The following ITGB6 variants were observed in gnomAD, a reference collection of about 807,000 sequenced individuals.
ITGB6 encodes the protein integrin subunit beta 6.
In ITGB6, 80 loss-of-function variants were observed where a neutral mutation model predicts 84.5. The ratio of observed to expected loss-of-function variants is 0.95; its 90% CI spans 0.79 to 1.14. The LOEUF (loss-of-function observed/expected upper bound fraction) is 1.14, where lower values mean the gene tolerates loss of function less well. Among genes scored for constraint, ITGB6 ranks in the 50% most tolerant of loss-of-function variants. The pLI, the probability that ITGB6 is intolerant of heterozygous loss-of-function variation, is 0.00. For missense variants in ITGB6, 1,006 were observed against 968.0 expected (o/e 1.04, Z -0.52); for synonymous variants, 383 against 354.9 (o/e 1.08, Z -0.89).
At chr2:160,150,221 C>T (rs1051322822) in intron 7 of ITGB6, among the ~76,000 whole-genome samples, 4 of 152,162 alleles carry the variant, frequency 2.6e-5, no homozygotes, top group African/African-American at 9.7e-5. Flanking sequence ...GGTCAGTTTA[C>T]CCACAAAGGG....
chr2:160,175,019 C>T (rs185790280), intron 4 of ITGB6, among the ~76,000 whole-genome samples: 95 of 152,304 alleles, frequency 6.2e-4, no homozygotes, highest in East Asian at 5.8e-4. Flanking sequence ...TTGTACTAAG[C>T]CTTCTGGATG....
intron 4 of ITGB6, among the ~76,000 whole-genome samples, chr2:160,192,487 C>A (rs1473407129): frequency 1.3e-5 from 2 of 152,002 alleles, no homozygotes; most frequent in African/African-American, 4.8e-5. Context: ...AGATCAGAAG[C>A]CTAAATGTAA....
intron 12 of ITGB6, among the ~76,000 whole-genome samples, chr2:160,114,936 C>T (rs533971729): frequency 1.4e-3 from 209 of 152,284 alleles, no homozygotes; most frequent in Middle Eastern, 0.01. Context: ...TAGGCGGCAG[C>T]GAGGCTGGGG....
At chr2:160,188,383 A>G (rs1464559624) in intron 4 of ITGB6, among the ~76,000 whole-genome samples, 1 of 152,170 alleles carries the variant, frequency 6.6e-6, no homozygotes, top group East Asian at 1.9e-4. Context: ...CCTTAATGGT[A>G]AATTTTGCCC....
intron 4 of ITGB6, among the ~76,000 whole-genome samples, chr2:160,182,140 A>C (rs1219037415): frequency 6.6e-6 from 1 of 152,234 alleles, no homozygotes; most frequent in African/African-American, 2.4e-5. Flanking sequence ...ACAGAGAATG[A>C]GTCTGACGAA....
intron 2 of ITGB6, among the ~76,000 whole-genome samples, chr2:160,198,101 G>A (rs1459575621): frequency 1.3e-5 from 2 of 152,134 alleles, no homozygotes; most frequent in East Asian, 3.9e-4. Flanking sequence ...TATCTCTCTG[G>A]CATGAAACTA....
At chr2:160,112,317 A>T in intron 12 of ITGB6, 118 bp from the exon 13 acceptor site, 3 of 981,420 alleles carry the variant, frequency 3.1e-6, no homozygotes, top group Non-Finnish European at 4.5e-6. Flanking sequence ...GCAGAATGAG[A>T]ATAGGAGAGG....
At chr2:160,145,584 C>T (rs1684155070) in intron 7 of ITGB6, among the ~76,000 whole-genome samples, 1 of 152,198 alleles carries the variant, frequency 6.6e-6, no homozygotes, top group Non-Finnish European at 1.5e-5. Flanking sequence ...ACAGAGGAAA[C>T]ACCTGCATTC....
chr2:160,100,081 C>A lies in ITGB6; in HGVS notation c.*1655G>T, dbSNP rs945156713. ...TTTTCAAGGTGATTTTTCAGTAATT[C>A]TTTCACCTAGCCCTGTACTCTGTAA... On this transcript the variant is annotated 3_prime_UTR_variant, in exon 15 of 15. Transcript: ENST00000283249. 5 of 152,140 alleles carry A rather than the reference C, an allele frequency of 3.3e-5. No homozygotes were observed. The highest frequency in any genetic ancestry group is 1.2e-4 in the African/African-American group (5 of 41,434). The allele number at this position is 152,140 out of a possible 1,614,324, so 9.4% of individuals were successfully genotyped here. A position where few individuals can be genotyped will look rare whatever the true frequency, so the allele number is the denominator to read the frequency against.
intron 10 of ITGB6, among the ~76,000 whole-genome samples, chr2:160,128,012 T>C (rs943582071): frequency 3.9e-5 from 6 of 152,162 alleles, no homozygotes; most frequent in African/African-American, 9.7e-5. Flanking sequence ...CCCATAAGCA[T>C]ACACTGAGTG....
intron 4 of ITGB6, among the ~76,000 whole-genome samples, chr2:160,178,418 T>A (rs779677237): frequency 7.2e-5 from 11 of 152,254 alleles, no homozygotes; most frequent in Non-Finnish European, 1.6e-4. Context: ...ATCTTCCAGA[T>A]CCACAGAGGT....
chr2:160,166,589 A>T lies in ITGB6; in HGVS notation c.1017+2623T>A, dbSNP rs569432436. ...AGTAAACATTTTAAAACTACAGAGG[A>T]AATATAAAAACTTTTTTTTAACTTG... On this transcript the variant is annotated intron_variant, in intron 7 of 14. Transcript: ENST00000283249. Among the ~76,000 whole-genome samples the T allele has an allele frequency of 5.9e-5, 9 of 152,306 alleles. No homozygotes were observed. The South Asian group carries it at 1.9e-3, about 32-fold the overall frequency.
intron 7 of ITGB6, among the ~76,000 whole-genome samples, chr2:160,163,631 CA>C (rs11335168): frequency 0.8 from 109,959 of 138,038 alleles, 46,070 homozygotes; most frequent in Non-Finnish European, 0.95. Context: ...GACTTTGTCT[CA>C]AAAAAAAAAA....
chr2:160,105,527 C>A (rs1696875104), intron 14 of ITGB6, among the ~76,000 whole-genome samples: 1 of 152,136 alleles, frequency 6.6e-6, no homozygotes, highest in African/African-American at 2.4e-5. Context: ...GGAGGGTCAA[C>A]CAAAGGCTGT....
At chr2:160,170,493 A>T in intron 6 of ITGB6, among the ~76,000 whole-genome samples, 1 of 152,164 alleles carries the variant, frequency 6.6e-6, no homozygotes, top group East Asian at 1.9e-4. Context: ...GTCCCTCCTT[A>T]TCTCCACGTG....
intron 2 of ITGB6, 80 bp downstream of exon 2, chr2:160,199,099 A>T: frequency 8.5e-7 from 1 of 1,171,556 alleles, no homozygotes; most frequent in Non-Finnish European, 1.3e-6. Flanking sequence ...GCAAGTCACT[A>T]TCAGAAATAT....
At chr2:160,126,233 G>T (rs1683235608) in intron 11 of ITGB6, 146 bp downstream of exon 11, 2 of 668,854 alleles carry the variant, frequency 3.0e-6, no homozygotes, top group Admixed American at 5.1e-5. Flanking sequence ...GATCACAGAG[G>T]CCCTGTGGGT....
At chr2:160,186,965 G>T (rs190863595) in intron 4 of ITGB6, among the ~76,000 whole-genome samples, 114 of 152,012 alleles carry the variant, frequency 7.5e-4, no homozygotes, top group Non-Finnish European at 1.4e-3. Context: ...GGCCTGTCGG[G>T]GGGGTGGGAG....
At chr2:160,118,449 T>C (rs1188749925) in intron 12 of ITGB6, among the ~76,000 whole-genome samples, 1 of 152,118 alleles carries the variant, frequency 6.6e-6, no homozygotes, top group African/African-American at 2.4e-5. Context: ...AAAAGGCCTT[T>C]GACAAAATTC....
Sources: gnomAD v4.1 joint callset for allele counts (sites outside exome capture counted in the v4.1 genomes callset) on GRCh38, gnomAD v4.1.1 for gene constraint, MANE v1.5 for transcripts, NCBI Gene and HGNC (gene_info 2026-07-23, HGNC 2026-07-21) for gene names.